Variants in SLC22A23 observed in about 807,000 individuals in gnomAD.
SLC22A23 encodes the protein solute carrier family 22 member 23.
SLC22A23 carries 26 observed loss-of-function variants against 61.0 expected under a neutral mutation model. The observed-to-expected ratio is 0.43, with a 90% CI of 0.31 to 0.59. The LOEUF (loss-of-function observed/expected upper bound fraction) is 0.59, where lower values mean the gene tolerates loss of function less well. Among genes scored for constraint, SLC22A23 ranks in the 20% least tolerant of loss-of-function variants. The probability of loss-of-function intolerance (pLI) is 0.11; values close to 1 mark genes in which losing one functional copy is unlikely to be tolerated. For synonymous variants in SLC22A23, 430 were observed against 413.9 expected (o/e 1.04, Z -0.47); for missense variants, 796 against 934.7 (o/e 0.85, Z 1.94).
At chr6:3,444,660 C>T (rs376881089) in intron 1 of SLC22A23, among the ~76,000 whole-genome samples, 1 of 152,208 alleles carries the variant, frequency 6.6e-6, no homozygotes, top group South Asian at 2.1e-4. Flanking sequence ...CCAGGAAGGT[C>T]CCCTGGCTTT....
At chr6:3,314,894 T>C (rs1762549324) in intron 4 of SLC22A23, among the ~76,000 whole-genome samples, 1 of 152,198 alleles carries the variant, frequency 6.6e-6, no homozygotes, top group Non-Finnish European at 1.5e-5. Flanking sequence ...TTCTGTTCCT[T>C]ACTCTCCAGT....
rs1358961840 is a variant in SLC22A23, at chr6:3,454,355, G to A, written c.654+1551C>T. Among the ~76,000 whole-genome samples the A allele has an allele frequency of 6.6e-6, 1 of 152,172 alleles. No individual in the cohort carries two copies. On this transcript the variant is annotated intron_variant, in intron 1 of 9. Transcript: ENST00000406686. The surrounding 1 kb of genome is among the most constrained non-coding windows in gnomAD (Gnocchi z 4.3). ...TGTTTCCTGGGTCCTCACTGCCAAG[G>A]TAATGGCACTCTATCCCATCTCATC...
intron 5 of SLC22A23, among the ~76,000 whole-genome samples, chr6:3,292,452 AGG>A (rs1296600874): frequency 6.7e-5 from 9 of 134,968 alleles, no homozygotes; most frequent in African/African-American, 3.6e-4. Context: ...ACTGGCATCT[AGG>A]ATTTGCTGCT....
intron 9 of SLC22A23, among the ~76,000 whole-genome samples, chr6:3,281,126 G>A (rs561796765): frequency 6.6e-6 from 1 of 152,298 alleles, no homozygotes; most frequent in African/African-American, 2.4e-5. Flanking sequence ...GAAAAGATCC[G>A]CCCCAGCACA....
intron 3 of SLC22A23, among the ~76,000 whole-genome samples, chr6:3,378,657 C>CTTTT (rs574704294): frequency 1.3e-4 from 15 of 119,108 alleles, no homozygotes; most frequent in African/African-American, 2.5e-4. Context: ...TTTCTTTTTT[C>CTTTT]TTTTTTTTTT....
In SLC22A23 at chr6:3,318,497, C is replaced by G. The variant is rs1249627996; in HGVS notation, c.1082+5337G>C. Among the ~76,000 whole-genome samples, 1 of 152,194 alleles carries G rather than the reference C, an allele frequency of 6.6e-6. No individual in the cohort carries two copies. The highest frequency in any genetic ancestry group is 1.5e-5 in the Non-Finnish European group (1 of 68,042). ...ACTCATCCTGCACACCCTGCCTCACCTGCTGCTCCCACAGAAACCGCAATA... is the reference window on the plus strand; with the variant it reads ...ACTCATCCTGCACACCCTGCCTCACGTGCTGCTCCCACAGAAACCGCAATA... On this transcript the variant is annotated intron_variant, in intron 4 of 9. Coordinates refer to ENST00000406686, the MANE Select transcript of SLC22A23 (RefSeq NM_015482.2). This position sits in a 1 kb window ranked among gnomAD's most constrained non-coding sequence, Gnocchi z 4.3.
rs570095391 is a variant in SLC22A23 at position 3,317,525 on chromosome 6, G to A, written c.1082+6309C>T. ...CTTGCATCTTCCCCGCCAACCCCTC[G>A]TTGTTGGCTGTGACCCTGGAAGGAT... is the stretch of plus-strand genomic sequence containing the variant. On this transcript the variant is annotated intron_variant, in intron 4 of 9. Transcript: ENST00000406686. This position sits in a 1 kb window ranked among gnomAD's most constrained non-coding sequence, Gnocchi z 4.4. 1.2e-4 allele frequency among the ~76,000 whole-genome samples: 18 copies of A among 152,138 alleles called. No homozygotes were observed. The highest frequency in any genetic ancestry group is 6.8e-3 in the Middle Eastern group (2 of 294).
At chr6:3,341,125 C>T (rs902984000) in intron 3 of SLC22A23, among the ~76,000 whole-genome samples, 3 of 152,168 alleles carry the variant, frequency 2.0e-5, no homozygotes, top group African/African-American at 7.2e-5. Flanking sequence ...GAGAAACAAT[C>T]CTCACACAGA....
intron 4 of SLC22A23, chr6:3,323,444 T>C: frequency 4.7e-6 from 2 of 422,380 alleles, no homozygotes; most frequent in South Asian, 1.8e-5. Context: ...AGGGGGACTT[T>C]TGTAAATCAC....
chr6:3,346,458 T>C (rs1397400055), intron 3 of SLC22A23, among the ~76,000 whole-genome samples: 1 of 152,168 alleles, frequency 6.6e-6, no homozygotes, highest in Non-Finnish European at 1.5e-5. Context: ...GCCAGCTTCC[T>C]CCCTGCAAAT....
rs1772422240 is a variant in SLC22A23 at position 3,456,593 on chromosome 6, G to C, written c.-34C>G. Reference sequence around the variant, plus strand: ...CCCGCGGCTCCCGCAGAGGCGCATAGAGCGCGGCGGAGGCTCCGCGGGCGC... The same window carrying C: ...CCCGCGGCTCCCGCAGAGGCGCATACAGCGCGGCGGAGGCTCCGCGGGCGC... On this transcript the variant is annotated 5_prime_UTR_variant, in exon 1 of 10. Transcript: ENST00000406686. The surrounding 1 kb of genome is among the most constrained non-coding windows in gnomAD (Gnocchi z 7.1). The C allele has an allele frequency of 9.2e-6, 9 of 980,726 alleles. No homozygotes were observed. The highest frequency in any genetic ancestry group is 1.1e-5 in the Non-Finnish European group (9 of 828,444). 60.8% of individuals were successfully genotyped at this position (980,726 alleles called of 1,614,324 possible).
intron 3 of SLC22A23, among the ~76,000 whole-genome samples, chr6:3,363,383 A>C (rs1765605231): frequency 6.6e-6 from 1 of 152,220 alleles, no homozygotes; most frequent in Admixed American, 6.5e-5. Flanking sequence ...ACAGGACCTA[A>C]GACAGGGCCC....
chr6:3,417,912 G>A (rs971865290), intron 1 of SLC22A23, among the ~76,000 whole-genome samples: 6 of 152,196 alleles, frequency 3.9e-5, no homozygotes, highest in African/African-American at 1.2e-4. Context: ...CCTGGAAAAC[G>A]AACATTCACA....
At chr6:3,399,398 A>G (rs2127496830) in intron 3 of SLC22A23, among the ~76,000 whole-genome samples, 1 of 152,324 alleles carries the variant, frequency 6.6e-6, no homozygotes, top group African/African-American at 2.4e-5. Context: ...ACCATGTGTT[A>G]TTCAAAGTCA....
intron 4 of SLC22A23, chr6:3,313,724 T>G (rs1762484293): frequency 6.6e-6 from 1 of 152,214 alleles, no homozygotes; most frequent in Admixed American, 6.5e-5. Context: ...GGATTATGTA[T>G]GTATAAAAAT....
At chr6:3,352,510 CACAG>C (rs1303933580) in intron 3 of SLC22A23, among the ~76,000 whole-genome samples, 1 of 152,136 alleles carries the variant, frequency 6.6e-6, no homozygotes, top group African/African-American at 2.4e-5. Flanking sequence ...CACACAAATA[CACAG>C]ACAGAGAGAA....
chr6:3,277,755 C>T (rs1018443050), intron 9 of SLC22A23, among the ~76,000 whole-genome samples: 12 of 152,238 alleles, frequency 7.9e-5, no homozygotes, highest in African/African-American at 2.9e-4. Flanking sequence ...TCTAGACTGG[C>T]CCCAGTAATT....
chr6:3,456,067 A>AG lies in SLC22A23; in HGVS notation c.492dup (p.Trp165LeufsTer35). 6.5e-7 allele frequency: 1 copy of AG among 1,549,400 alleles called. No individual in the cohort carries two copies. The highest frequency in any genetic ancestry group is 8.7e-7 in the Non-Finnish European group (1 of 1,146,674). On this transcript the variant is annotated frameshift_variant, in exon 1 of 10. Transcript: ENST00000406686. LOFTEE classifies it high-confidence loss of function. This position sits in a 1 kb window ranked among gnomAD's most constrained non-coding sequence, Gnocchi z 7.1. ...TTGCTCCGGTTGCCCGCAGCCTCCC[A>AG]GGGGGCAGTGGCGAAGGGGGTGGTG...
intron 1 of SLC22A23, among the ~76,000 whole-genome samples, chr6:3,446,769 A>C (rs924006930): frequency 3.3e-5 from 5 of 152,196 alleles, no homozygotes; most frequent in African/African-American, 9.6e-5. Flanking sequence ...GGGTGGCTAC[A>C]GAGCCCCAAG....
Sources: allele counts gnomAD v4.1 joint callset (sites outside exome capture counted in the v4.1 genomes callset), GRCh38; gene constraint gnomAD v4.1.1; non-coding constraint Gnocchi (gnomAD v3.1); transcripts MANE v1.5; gene names NCBI Gene and HGNC (gene_info 2026-07-23, HGNC 2026-07-21).